TNFSF4: variants seen among roughly 807,000 people sequenced by gnomAD.
TNFSF4 encodes tumor necrosis factor ligand superfamily member 4.
In TNFSF4, 4 loss-of-function variants were observed where a neutral mutation model predicts 7.3. The observed-to-expected ratio is 0.55, with a 90% CI of 0.27 to 1.25. The LOEUF is 1.25. Among genes scored for constraint, TNFSF4 ranks in the 50% most tolerant of loss-of-function variants. The pLI is 0.12. For missense variants in TNFSF4, 181 were observed against 208.8 expected, an observed-to-expected ratio of 0.87 and a Z score of 0.82; for synonymous variants, 76 against 83.7, an observed-to-expected ratio of 0.91 and a Z score of 0.50.
chr1:173,316,171 C>G, the TNFSF4 span, among the ~76,000 whole-genome samples: 2 of 152,072 alleles, frequency 1.3e-5, no homozygotes, highest in African/African-American at 4.8e-5. Flanking sequence ...AAAAGACTAC[C>G]CTTCCTCATT....
chr1:173,334,772 G>C, the TNFSF4 span, among the ~76,000 whole-genome samples: 1 of 152,118 alleles, frequency 6.6e-6, no homozygotes, highest in Non-Finnish European at 1.5e-5. Flanking sequence ...CTAGAAAATT[G>C]TAATGGTCTC....
the TNFSF4 span, among the ~76,000 whole-genome samples, chr1:173,217,366 C>T: frequency 1.3e-5 from 2 of 152,170 alleles, no homozygotes; most frequent in Admixed American, 6.5e-5. Context: ...ATTTTTGACA[C>T]TCTGGGCAAA....
chr1:173,360,618 A>G, the TNFSF4 span, among the ~76,000 whole-genome samples: 2 of 152,202 alleles, frequency 1.3e-5, no homozygotes, highest in Admixed American at 1.3e-4. Context: ...AGCTGGAGAT[A>G]GCAGACTTAG....
At chr1:173,174,435 T>C in the TNFSF4 span, 1 of 152,192 alleles carries the variant, frequency 6.6e-6, no homozygotes. Flanking sequence ...ACTGTATTAG[T>C]CCATTCTCAT....
the TNFSF4 span, among the ~76,000 whole-genome samples, chr1:173,213,729 T>A: frequency 6.6e-6 from 1 of 152,212 alleles, no homozygotes; most frequent in Non-Finnish European, 1.5e-5. Flanking sequence ...ATAATTTTCT[T>A]TAAATAGAAA....
the TNFSF4 span, among the ~76,000 whole-genome samples, chr1:173,250,620 C>T: frequency 3.3e-5 from 5 of 152,070 alleles, no homozygotes; most frequent in East Asian, 9.6e-4. Context: ...CCACCACGCC[C>T]GGCTAAGTTT....
chr1:173,222,357 A>G, the TNFSF4 span, among the ~76,000 whole-genome samples: 1 of 152,228 alleles, frequency 6.6e-6, no homozygotes, highest in Non-Finnish European at 1.5e-5. Context: ...ACAAAGGGAA[A>G]AAGTCCCAAC....
chr1:173,205,334 C>T, intron 1 of TNFSF4: 2 of 1,612,108 alleles, frequency 1.2e-6, no homozygotes, highest in Non-Finnish European at 1.7e-6. Flanking sequence ...GTCCTAGAAA[C>T]CAGCACCCTG....
chr1:173,358,758 T>C, the TNFSF4 span, among the ~76,000 whole-genome samples: 1 of 152,196 alleles, frequency 6.6e-6, no homozygotes, highest in African/African-American at 2.4e-5. Context: ...TCTAATAATA[T>C]AGATGAATGT....
chr1:173,378,880 C>T, the TNFSF4 span, among the ~76,000 whole-genome samples: 1 of 90,760 alleles, frequency 1.1e-5, no homozygotes, highest in Non-Finnish European at 2.5e-5. Flanking sequence ...ACCCCCCTCC[C>T]CCCCCACCAC....
In TNFSF4 at chr1:173,186,536, C is replaced by G; in HGVS notation, c.532G>C (p.Gly178Arg). 6.2e-7 allele frequency: 1 copy of G among 1,612,862 alleles called. No individual in the cohort carries two copies. The highest frequency in any genetic ancestry group is 8.5e-7 in the Non-Finnish European group (1 of 1,179,254). Reference sequence around the variant, plus strand: ...GCCCCTCAAAGGACACAGAATTCACCAGGATTTTGATGGATAAGAATCAGT... The same window carrying G: ...GCCCCTCAAAGGACACAGAATTCACGAGGATTTTGATGGATAAGAATCAGT... Reference protein sequence around the residue: ...GELILIHQNPGEFCVL With the variant: ...GELILIHQNPREFCVL The change falls in exon 3 of 3, where the codon GGT (glycine) becomes CGT (arginine). Residue 178 changes from glycine (G) to arginine (R), a missense_variant. By Grantham distance (125) the Gly-to-Arg change is moderately radical (BLOSUM62 -2). Transcript: ENST00000281834.
At chr1:173,198,878 T>A (rs938020704) in intron 1 of TNFSF4, among the ~76,000 whole-genome samples, 1 of 152,190 alleles carries the variant, frequency 6.6e-6, no homozygotes, top group Admixed American at 6.5e-5. Context: ...AATGGTAACA[T>A]CATCACAGAA....
chr1:173,187,712 T>C (rs1649293286), intron 2 of TNFSF4, among the ~76,000 whole-genome samples: 1 of 152,198 alleles, frequency 6.6e-6, no homozygotes, highest in Non-Finnish European at 1.5e-5. Context: ...TAGGAGGCAG[T>C]GATAGACTTG....
chr1:173,345,318 A>G, the TNFSF4 span, among the ~76,000 whole-genome samples: 3 of 152,224 alleles, frequency 2.0e-5, no homozygotes, highest in African/African-American at 7.2e-5. Flanking sequence ...TTTGCCATCA[A>G]GTGTTTTAAG....
At chr1:173,375,751 A>C in the TNFSF4 span, among the ~76,000 whole-genome samples, 1 of 152,164 alleles carries the variant, frequency 6.6e-6, no homozygotes, top group South Asian at 2.1e-4. Flanking sequence ...GGGACAAATA[A>C]GGGAATAAAA....
At chr1:173,402,143 T>C in the TNFSF4 span, among the ~76,000 whole-genome samples, 4 of 152,344 alleles carry the variant, frequency 2.6e-5, no homozygotes, top group South Asian at 8.3e-4. Flanking sequence ...CAAATAAATG[T>C]CTATTCTTTT....
intron 1 of TNFSF4, among the ~76,000 whole-genome samples, chr1:173,195,672 A>T (rs16845585): frequency 6.6e-6 from 1 of 152,166 alleles, no homozygotes; most frequent in African/African-American, 2.4e-5. Context: ...CCTTAAACCC[A>T]TTTGACATTT....
At chr1:173,281,186 C>T in the TNFSF4 span, among the ~76,000 whole-genome samples, 2 of 151,606 alleles carry the variant, frequency 1.3e-5, no homozygotes, top group Non-Finnish European at 2.9e-5. Flanking sequence ...TTCGTTGGCA[C>T]ATTACCCATC....
At chr1:173,291,603 G>A in the TNFSF4 span, among the ~76,000 whole-genome samples, 1 of 151,990 alleles carries the variant, frequency 6.6e-6, no homozygotes, top group Non-Finnish European at 1.5e-5. Context: ...AAAAATAAGA[G>A]CAAACCAACC....
Sources: allele counts gnomAD v4.1 joint callset (sites outside exome capture counted in the v4.1 genomes callset), GRCh38; gene constraint gnomAD v4.1.1; transcripts MANE v1.5; gene names NCBI Gene and HGNC (gene_info 2026-07-23, HGNC 2026-07-21).